Variants in CDK8 observed in about 807,000 individuals in gnomAD.
CDK8 encodes the protein cyclin-dependent kinase 8.
CDK8 carries 29 observed loss-of-function variants against 71.5 expected under a neutral mutation model. The ratio of observed to expected loss-of-function variants is 0.41; its 90% confidence interval spans 0.30 to 0.55. The LOEUF is 0.55. Among genes scored for constraint, CDK8 ranks in the 20% least tolerant of loss-of-function variants. The probability of loss-of-function intolerance (pLI) is 0.37; values close to 1 mark genes in which losing one functional copy is unlikely to be tolerated. For synonymous variants in CDK8, 161 were observed against 192.1 expected, an observed-to-expected ratio of 0.84 and a Z score of 1.34; for missense variants, 288 against 572.6, an observed-to-expected ratio of 0.50 and a Z score of 5.07.
rs202112941 is a variant in CDK8, at chr13:26,312,311, TC to T, written c.129-25252del. Among the ~76,000 whole-genome samples the T allele has an allele frequency of 4.5e-4, 69 of 152,210 alleles. 1 individual carries two copies. In the East Asian group the frequency reaches 0.013, roughly 28 times the overall value. On this transcript the variant is annotated intron_variant, in intron 1 of 12. Transcript: ENST00000381527. ...AGCCAGCAGTGGCAACCCACTTGAG[TC>T]CCCTTCCACACTGTGGAAGCTTTGT...
At chr13:26,367,252 G>A (rs1267423976) in intron 4 of CDK8, among the ~76,000 whole-genome samples, 1 of 151,984 alleles carries the variant, frequency 6.6e-6, no homozygotes, top group East Asian at 1.9e-4. Context: ...GCTGAAGAGG[G>A]GCTAAGGGAG....
rs113593401 is a variant in CDK8, at chr13:26,367,672, G to A, written c.456+13792G>A. ...TACATGAGGATTAAGAGCTTTATCC[G>A]TTTTGTTTACTGCTATATCATCACT... On this transcript the variant is annotated intron_variant, in intron 4 of 12. Coordinates refer to ENST00000381527, the MANE Select transcript of CDK8 (RefSeq NM_001260.3). 6.8e-3 allele frequency among the ~76,000 whole-genome samples: 1,030 copies of A among 152,244 alleles called. 7 individuals carry two copies. The highest frequency in any genetic ancestry group is 0.015 in the Admixed American group (234 of 15,284).
intron 1 of CDK8, among the ~76,000 whole-genome samples, chr13:26,255,091 T>G (rs1871460899): frequency 6.6e-6 from 1 of 151,740 alleles, no homozygotes; most frequent in Admixed American, 6.6e-5. Flanking sequence ...AAATGTTTTT[T>G]GTTTTTTTTT....
chr13:26,323,326 AGGGAGAGAGAGAGG>A (rs1468969463), intron 1 of CDK8, among the ~76,000 whole-genome samples: 2 of 90,568 alleles, frequency 2.2e-5, no homozygotes, highest in African/African-American at 4.6e-5. Context: ...AGAGAGAGAG[AGGGAGAGAGAGAGG>A]GAGAGGGAGA....
intron 2 of CDK8, among the ~76,000 whole-genome samples, chr13:26,342,772 G>C (rs1351086070): frequency 6.6e-6 from 1 of 152,140 alleles, no homozygotes; most frequent in African/African-American, 2.4e-5. Context: ...TACTTATTCA[G>C]TAGTAATAGT....
intron 1 of CDK8, among the ~76,000 whole-genome samples, chr13:26,329,483 G>GTTTT (rs543441898): frequency 7.8e-6 from 1 of 128,488 alleles, no homozygotes; most frequent in African/African-American, 3.1e-5. Flanking sequence ...TTTTTTTTTT[G>GTTTT]TTTTTTTTTT....
chr13:26,339,200 T>C (rs1402155906), intron 2 of CDK8, among the ~76,000 whole-genome samples: 11 of 152,230 alleles, frequency 7.2e-5, no homozygotes, highest in Admixed American at 7.2e-4. Flanking sequence ...CTGTACCCAC[T>C]GATTGTGAAA....
intron 2 of CDK8, among the ~76,000 whole-genome samples, chr13:26,343,795 T>G (rs1873345189): frequency 6.6e-6 from 1 of 152,214 alleles, no homozygotes. Flanking sequence ...TTATAAACTT[T>G]TTTTCACTAT....
At chr13:26,324,674 T>C (rs1237625173) in intron 1 of CDK8, 1 of 181,364 alleles carries the variant, frequency 5.5e-6, no homozygotes, top group East Asian at 1.9e-4. Context: ...CCATATCTTC[T>C]AGCATGAGTG....
At chr13:26,272,544 T>A (rs1872378082) in intron 1 of CDK8, among the ~76,000 whole-genome samples, 1 of 152,168 alleles carries the variant, frequency 6.6e-6, no homozygotes, top group Non-Finnish European at 1.5e-5. Flanking sequence ...CAGTTAATTT[T>A]AAAAAGAATA....
chr13:26,389,836 A>G (rs1474786130), intron 6 of CDK8, among the ~76,000 whole-genome samples: 1 of 151,912 alleles, frequency 6.6e-6, no homozygotes, highest in Non-Finnish European at 1.5e-5. Context: ...CGTCTCTACT[A>G]AAAATACAAA....
intron 1 of CDK8, among the ~76,000 whole-genome samples, chr13:26,291,545 GT>G (rs1161999497): frequency 6.6e-6 from 1 of 151,944 alleles, no homozygotes. Flanking sequence ...GCACTGTAAA[GT>G]TTACAACAAA....
intron 9 of CDK8, among the ~76,000 whole-genome samples, chr13:26,398,250 GTA>G (rs1876084918): frequency 6.6e-6 from 1 of 152,148 alleles, no homozygotes; most frequent in Non-Finnish European, 1.5e-5. Flanking sequence ...TGTACTTACA[GTA>G]GGACCCAAAT....
At chr13:26,397,132 T>C (rs761371893) in intron 8 of CDK8, 21 bp from the exon 9 acceptor site, 1 of 1,409,756 alleles carries the variant, frequency 7.1e-7, no homozygotes, top group South Asian at 1.2e-5. Context: ...ATATAGCTAT[T>C]TCATAGTATT....
chr13:26,397,088 G>T, intron 8 of CDK8, 65 bp from the exon 9 acceptor site: 1 of 862,410 alleles, frequency 1.2e-6, no homozygotes, highest in Non-Finnish European at 2.0e-6. Context: ...TCATCAGAAG[G>T]ACTTTAGCCA....
intron 4 of CDK8, among the ~76,000 whole-genome samples, chr13:26,362,515 T>C (rs1443589466): frequency 6.6e-6 from 1 of 151,806 alleles, no homozygotes; most frequent in Non-Finnish European, 1.5e-5. Context: ...GAATGGAGAG[T>C]TCTGATTTCC....
At chr13:26,362,920 AGT>A (rs1874212007) in intron 4 of CDK8, among the ~76,000 whole-genome samples, 1 of 151,858 alleles carries the variant, frequency 6.6e-6, no homozygotes, top group Non-Finnish European at 1.5e-5. Flanking sequence ...GCAGGCACAC[AGT>A]GTGTATTGTA....
chr13:26,309,480 TC>T (rs1874188136), intron 1 of CDK8, among the ~76,000 whole-genome samples: 1 of 152,140 alleles, frequency 6.6e-6, no homozygotes, highest in Non-Finnish European at 1.5e-5. Flanking sequence ...AATATTTTCT[TC>T]TTTTAGCTTT....
At chr13:26,325,772 G>A (rs1874993132) in intron 1 of CDK8, among the ~76,000 whole-genome samples, 1 of 152,104 alleles carries the variant, frequency 6.6e-6, no homozygotes, top group African/African-American at 2.4e-5. Context: ...GATTATCAGT[G>A]GGGTTCATTT....
Sources: gnomAD v4.1 joint callset for allele counts (sites outside exome capture counted in the v4.1 genomes callset) on GRCh38, gnomAD v4.1.1 for gene constraint, MANE v1.5 for transcripts, NCBI Gene and HGNC (gene_info 2026-07-23, HGNC 2026-07-21) for gene names.